The following MBD2 variants were observed in gnomAD, a reference collection of about 807,000 sequenced individuals.
MBD2 encodes the protein methyl-CpG-binding domain protein 2.
Under a neutral mutation model 39.3 loss-of-function variants are expected in MBD2, and 9 were observed. The observed-to-expected ratio is 0.23, with a 90% CI of 0.14 to 0.40. The LOEUF is 0.40. Among genes scored for constraint, MBD2 ranks in the 10% least tolerant of loss-of-function variants. The probability of loss-of-function intolerance (pLI) is 1.00; values close to 1 mark genes in which losing one functional copy is unlikely to be tolerated. For synonymous variants in MBD2, 233 were observed against 211.1 expected (o/e 1.10, Z -0.90); for missense variants, 458 against 532.6 (o/e 0.86, Z 1.38).
chr18:54,172,102 C>T (rs2086183049), intron 3 of MBD2, among the ~76,000 whole-genome samples: 1 of 152,160 alleles, frequency 6.6e-6, no homozygotes, highest in Admixed American at 6.5e-5. Flanking sequence ...GTAATAGATA[C>T]TGTATAAGTC....
At chr18:54,215,423 A>G (rs897705948) in intron 1 of MBD2, among the ~76,000 whole-genome samples, 1 of 152,324 alleles carries the variant, frequency 6.6e-6, no homozygotes, top group East Asian at 1.9e-4. Context: ...AACAAAAAAT[A>G]AATTAGTTAA....
chr18:54,222,423 C>A, intron 1 of MBD2: 1 of 495,650 alleles, frequency 2.0e-6, no homozygotes. Flanking sequence ...CAATAACTTT[C>A]TTACCATTAA....
chr18:54,224,211 C>CACT lies in MBD2; in HGVS notation c.348_349insAGT (p.Ser116dup), dbSNP rs2086640636. 5.3e-6 allele frequency: 6 copies of CACT among 1,138,834 alleles called. No homozygotes were observed. In the Admixed American group the frequency reaches 1.5e-4, roughly 28 times the overall value. 70.5% of individuals were successfully genotyped at this position (1,138,834 alleles called of 1,614,324 possible). A position where few individuals can be genotyped will look rare whatever the true frequency, so the allele number is the denominator to read the frequency against. ...TCCCGCCGGGGGGCGCCGCCGCCAC[C>CACT]GCTGCCGCCGCCGCCGCAGCCGCCG... On this transcript the variant is annotated inframe_insertion, in exon 1 of 7. Coordinates refer to ENST00000256429, the MANE Select transcript of MBD2 (RefSeq NM_003927.5).
intron 1 of MBD2, among the ~76,000 whole-genome samples, chr18:54,217,742 C>A (rs1268922008): frequency 2.0e-5 from 3 of 152,134 alleles, no homozygotes; most frequent in African/African-American, 7.2e-5. Flanking sequence ...AAAAAATCTA[C>A]CAATTTCTGT....
intron 4 of MBD2, 143 bp downstream of exon 4, chr18:54,165,933 A>G: frequency 5.1e-6 from 3 of 585,178 alleles, no homozygotes; most frequent in Non-Finnish European, 6.1e-6. Flanking sequence ...CTAAAACACA[A>G]GAGGTACGTC....
intron 3 of MBD2, among the ~76,000 whole-genome samples, chr18:54,174,857 G>C (rs963014725): frequency 6.6e-6 from 1 of 152,156 alleles, no homozygotes; most frequent in African/African-American, 2.4e-5. Context: ...CACAGGATCG[G>C]GGTTCCCACA....
chr18:54,198,250 A>C (rs2086380840), intron 2 of MBD2, among the ~76,000 whole-genome samples: 1 of 152,204 alleles, frequency 6.6e-6, no homozygotes, highest in Admixed American at 6.5e-5. Context: ...TTACTTCATT[A>C]ACTGAAAAAT....
chr18:54,223,210 G>T (rs920268128), intron 1 of MBD2, among the ~76,000 whole-genome samples: 5 of 152,212 alleles, frequency 3.3e-5, no homozygotes, highest in African/African-American at 4.8e-5. Context: ...TCAGCAGCAT[G>T]ACCACGGGAT....
intron 6 of MBD2, 133 bp downstream of exon 6, chr18:54,159,632 T>G: frequency 1.2e-6 from 1 of 864,196 alleles, no homozygotes; most frequent in Non-Finnish European, 1.8e-6. Flanking sequence ...TTGCTCAAGC[T>G]GGTCTCGAAC....
intron 1 of MBD2, among the ~76,000 whole-genome samples, chr18:54,212,526 A>G (rs2144343621): frequency 6.6e-6 from 1 of 152,314 alleles, no homozygotes; most frequent in East Asian, 1.9e-4. Context: ...AGGTTGGGTC[A>G]GGAGTAGTAA....
chr18:54,199,834 A>G (rs2086392222), intron 2 of MBD2, among the ~76,000 whole-genome samples: 1 of 152,034 alleles, frequency 6.6e-6, no homozygotes, highest in African/African-American at 2.4e-5. Context: ...TCCCTTCCCA[A>G]ATCCAGTCTC....
chr18:54,200,414 T>C (rs564363427), intron 2 of MBD2, among the ~76,000 whole-genome samples: 1 of 152,328 alleles, frequency 6.6e-6, no homozygotes, highest in South Asian at 2.1e-4. Flanking sequence ...TTTATACATC[T>C]AAAACACTAA....
At chr18:54,157,457 C>T (rs908622552) in intron 6 of MBD2, among the ~76,000 whole-genome samples, 13 of 151,956 alleles carry the variant, frequency 8.6e-5, no homozygotes, top group African/African-American at 3.1e-4. Context: ...GACAGGGTTT[C>T]GTCATGTTGG....
chr18:54,167,054 C>A (rs957506989), intron 3 of MBD2, among the ~76,000 whole-genome samples: 1 of 151,464 alleles, frequency 6.6e-6, no homozygotes, highest in African/African-American at 2.4e-5. Context: ...TGTCCTCATG[C>A]CTCATCTCTT....
chr18:54,205,834 T>C (rs1568091108), intron 1 of MBD2, among the ~76,000 whole-genome samples: 1 of 152,072 alleles, frequency 6.6e-6, no homozygotes, highest in Non-Finnish European at 1.5e-5. Flanking sequence ...CCTTTCCAAA[T>C]TGATTTTGAA....
intron 2 of MBD2, among the ~76,000 whole-genome samples, chr18:54,204,629 T>C (rs1387924546): frequency 6.6e-6 from 1 of 152,080 alleles, no homozygotes; most frequent in Non-Finnish European, 1.5e-5. Flanking sequence ...AACCTGAAAA[T>C]CAATACGTAA....
At chr18:54,194,491 T>C (rs1221851466) in intron 2 of MBD2, among the ~76,000 whole-genome samples, 1 of 151,996 alleles carries the variant, frequency 6.6e-6, no homozygotes, top group Non-Finnish European at 1.5e-5. Flanking sequence ...TTAGTATATA[T>C]GTGACCAAAA....
intron 3 of MBD2, 43 bp downstream of exon 3, chr18:54,188,831 A>AT: frequency 1.3e-6 from 2 of 1,549,038 alleles, no homozygotes. Context: ...AAATACCAGC[A>AT]TTTTTCTGAA....
intron 1 of MBD2, among the ~76,000 whole-genome samples, chr18:54,223,469 TC>T (rs2086631885): frequency 6.6e-6 from 1 of 152,018 alleles, no homozygotes; most frequent in Non-Finnish European, 1.5e-5. Flanking sequence ...GGTCTAGGAG[TC>T]TAAAAACTTA....
Sources: allele counts gnomAD v4.1 joint callset (sites outside exome capture counted in the v4.1 genomes callset), GRCh38; gene constraint gnomAD v4.1.1; transcripts MANE v1.5; gene names NCBI Gene and HGNC (gene_info 2026-07-23, HGNC 2026-07-21).